Variants in EVA1A observed in about 807,000 individuals in gnomAD.
EVA1A encodes the protein eva-1 homolog A, regulator of programmed cell death.
Under a neutral mutation model 9.8 loss-of-function variants are expected in EVA1A, and 7 were observed. That is an observed-to-expected ratio of 0.71 (90% CI 0.41 to 1.34). The LOEUF (loss-of-function observed/expected upper bound fraction) is 1.34. EVA1A is among the 40% of genes most tolerant of loss of function. The probability of loss-of-function intolerance (pLI) is 0.01; values close to 1 mark genes in which losing one functional copy is unlikely to be tolerated. For missense variants in EVA1A, 206 were observed against 205.9 expected, an observed-to-expected ratio of 1.00 and a Z score of 0.00; for synonymous variants, 90 against 85.6, an observed-to-expected ratio of 1.05 and a Z score of -0.28.
chr2:75,493,462 C>T lies in EVA1A; in HGVS notation c.233G>A (p.Ser78Asn), dbSNP rs146367282. 710 of 1,614,254 alleles carry T rather than the reference C, an allele frequency of 4.4e-4. 4 individuals are homozygous for T. The highest frequency in any genetic ancestry group is 1.9e-4 in the Non-Finnish European group (221 of 1,180,036). ...GKKFLQDRES[S>N]SDSSDSEDGS... is the part of the protein sequence containing the mutation. The stretch of plus-strand genomic sequence containing the variant: ...ATCCTCGCTGTCGCTGCTGTCGCTG[C>T]TGCTCTCTCTGTCCTGCAGGAACTT... The change falls in exon 4 of 4, where the codon AGC (serine) becomes AAC (asparagine). Residue 78 changes from serine (S) to asparagine (N), a missense_variant. By Grantham distance (46) the Ser-to-Asn change is conservative. Coordinates refer to ENST00000393913, the MANE Select transcript of EVA1A (RefSeq NM_001135032.2).
rs1199770644 is a variant in EVA1A at position 75,492,871 on chromosome 2, C to G, written c.*365G>C. On this transcript the variant is annotated 3_prime_UTR_variant, in exon 4 of 4. Transcript: ENST00000393913. ...CACCCTGCTATTCCCAGCCCTCATG[C>G]TATAATGATCTTTCCTTTTGCAAAG... The G allele has an allele frequency of 4.7e-6, 1 of 211,838 alleles. No individual in the cohort carries two copies. Among genetic ancestry groups the G allele is most frequent in the African/African-American group, 2.3e-5 (1 of 43,298 alleles). The allele number at this position is 211,838 out of a possible 1,614,324, so 13.1% of individuals were successfully genotyped here. A position where few individuals can be genotyped will look rare whatever the true frequency, so the allele number is the denominator to read the frequency against.
chr2:75,519,337 A>G (rs190176124), intron 2 of EVA1A, among the ~76,000 whole-genome samples: 2 of 152,338 alleles, frequency 1.3e-5, no homozygotes, highest in Non-Finnish European at 2.9e-5. Flanking sequence ...TGGGTCACAG[A>G]TATGAGTAAC....
At chr2:75,519,540 C>A (rs1675161772) in intron 2 of EVA1A, among the ~76,000 whole-genome samples, 1 of 152,154 alleles carries the variant, frequency 6.6e-6, no homozygotes, top group African/African-American at 2.4e-5. Flanking sequence ...CTGAGAGTGA[C>A]AGGAGAAGGA....
intron 1 of EVA1A, among the ~76,000 whole-genome samples, chr2:75,535,453 G>A (rs1251603797): frequency 6.6e-6 from 1 of 152,120 alleles, no homozygotes; most frequent in Non-Finnish European, 1.5e-5. Flanking sequence ...CTACCCAAAG[G>A]AAAAGAGATG....
chr2:75,567,529 A>C (rs533235623), intron 1 of EVA1A, among the ~76,000 whole-genome samples: 2 of 152,382 alleles, frequency 1.3e-5, no homozygotes, highest in South Asian at 4.1e-4. Context: ...CACAGGACAG[A>C]CAACAAATCA....
At chr2:75,514,451 T>C (rs1356193980) in intron 3 of EVA1A, among the ~76,000 whole-genome samples, 4 of 152,202 alleles carry the variant, frequency 2.6e-5, no homozygotes, top group Non-Finnish European at 5.9e-5. Flanking sequence ...AGAGGTGTGA[T>C]AATTGTCTAC....
At chr2:75,568,044 G>A (rs531858259) in intron 1 of EVA1A, among the ~76,000 whole-genome samples, 2 of 152,276 alleles carry the variant, frequency 1.3e-5, no homozygotes, top group African/African-American at 2.4e-5. Flanking sequence ...AGAAGCATAA[G>A]GTTTACTTGT....
intron 3 of EVA1A, among the ~76,000 whole-genome samples, chr2:75,503,821 T>C (rs998990534): frequency 6.6e-6 from 1 of 151,996 alleles, no homozygotes; most frequent in African/African-American, 2.4e-5. Context: ...GGTACAAATA[T>C]ACAGTTAGAT....
intron 3 of EVA1A, 36 bp from the exon 4 acceptor site, chr2:75,493,645 G>C (rs375990286): frequency 3.0e-5 from 46 of 1,534,816 alleles, no homozygotes; most frequent in Non-Finnish European, 3.9e-5. Flanking sequence ...GCATTTGAGA[G>C]ATGACAACTC....
chr2:75,508,737 G>A lies in EVA1A; in HGVS notation c.85+9319C>T, dbSNP rs150077419. Among the ~76,000 whole-genome samples the A allele has an allele frequency of 7.3e-3, 1,109 of 152,188 alleles. 9 individuals are homozygous for A. The highest frequency in any genetic ancestry group is 0.011 in the Non-Finnish European group (749 of 68,018). On this transcript the variant is annotated intron_variant, in intron 3 of 3. Coordinates refer to ENST00000393913, the MANE Select transcript of EVA1A (RefSeq NM_001135032.2). ...CCTAATAAAAACTTGCTGGTTTTGT[G>A]GCTTGGGGGGCATCACAGAACCTAC...
chr2:75,513,980 G>C (rs1370578641), intron 3 of EVA1A, among the ~76,000 whole-genome samples: 1 of 152,138 alleles, frequency 6.6e-6, no homozygotes, highest in Non-Finnish European at 1.5e-5. Context: ...TTATCCCAGA[G>C]ATAATGAGAA....
intron 1 of EVA1A, among the ~76,000 whole-genome samples, chr2:75,553,200 C>T (rs1208062787): frequency 1.3e-5 from 2 of 152,196 alleles, no homozygotes; most frequent in African/African-American, 2.4e-5. Context: ...TCCATCTCAG[C>T]CTCTTTGATG....
rs35246724 is a variant in EVA1A, at chr2:75,498,801, C to CT, written c.86-5193dup. On this transcript the variant is annotated intron_variant, in intron 3 of 3. Coordinates refer to ENST00000393913, the MANE Select transcript of EVA1A (RefSeq NM_001135032.2). ...ACATTTAAATTTGCACCACACACAC[C>CT]TTTTTTTTTTTTTTTAAAAAGATGG... 3.2e-3 allele frequency among the ~76,000 whole-genome samples: 478 copies of CT among 147,258 alleles called. 1 individual carries two copies. Among genetic ancestry groups the CT allele is most frequent in the East Asian group, 8.6e-3 (43 of 5,008 alleles).
chr2:75,544,768 T>C (rs984568884), intron 1 of EVA1A, among the ~76,000 whole-genome samples: 4 of 152,232 alleles, frequency 2.6e-5, no homozygotes, highest in Middle Eastern at 3.2e-3. Flanking sequence ...AATTGTTACA[T>C]AGTGTTAGTG....
intron 1 of EVA1A, among the ~76,000 whole-genome samples, chr2:75,567,729 T>G (rs1274628233): frequency 6.6e-6 from 1 of 152,242 alleles, no homozygotes; most frequent in African/African-American, 2.4e-5. Context: ...ACCAACTGGA[T>G]GGCAATGTGT....
At chr2:75,549,196 C>A (rs964804814) in intron 1 of EVA1A, among the ~76,000 whole-genome samples, 16 of 151,826 alleles carry the variant, frequency 1.1e-4, no homozygotes, top group African/African-American at 3.4e-4. Flanking sequence ...TGTATACAGC[C>A]CTGTGCACTC....
At chr2:75,516,337 C>T (rs962626551) in intron 3 of EVA1A, among the ~76,000 whole-genome samples, 1 of 152,220 alleles carries the variant, frequency 6.6e-6, no homozygotes, top group African/African-American at 2.4e-5. Context: ...CTACACACTG[C>T]ATCCAAATTT....
At chr2:75,522,670 G>C (rs143121639) in intron 1 of EVA1A, among the ~76,000 whole-genome samples, 183 bp from the exon 2 acceptor site, 11 of 152,314 alleles carry the variant, frequency 7.2e-5, no homozygotes, top group African/African-American at 2.4e-4. Flanking sequence ...TCTGGAATTT[G>C]AACTAGACAG....
intron 3 of EVA1A, among the ~76,000 whole-genome samples, chr2:75,497,650 A>T (rs1572942682): frequency 6.6e-6 from 1 of 152,058 alleles, no homozygotes; most frequent in African/African-American, 2.4e-5. Context: ...AGGAAGCTTG[A>T]GACAAGCCTG....
Sources: gnomAD v4.1 joint callset for allele counts (sites outside exome capture counted in the v4.1 genomes callset) on GRCh38, gnomAD v4.1.1 for gene constraint, MANE v1.5 for transcripts, NCBI Gene and HGNC (gene_info 2026-07-23, HGNC 2026-07-21) for gene names.